ATP6V1E1: variants seen among roughly 807,000 people sequenced by gnomAD.
The protein encoded by ATP6V1E1 is ATPase H+ transporting V1 subunit E1.
Under a neutral mutation model 35.2 loss-of-function variants are expected in ATP6V1E1, and 21 were observed. That is an observed-to-expected ratio of 0.60 (90% CI 0.42 to 0.86). The LOEUF is 0.86. Among genes scored for constraint, ATP6V1E1 ranks in the 40% least tolerant of loss-of-function variants. ATP6V1E1 has a pLI of 0.00. For synonymous variants in ATP6V1E1, 83 were observed against 87.8 expected, an observed-to-expected ratio of 0.95 and a Z score of 0.30; for missense variants, 183 against 272.6, an observed-to-expected ratio of 0.67 and a Z score of 2.32.
At chr22:17,627,023 T>A (rs1244125593) in intron 1 of ATP6V1E1, among the ~76,000 whole-genome samples, 5 of 151,836 alleles carry the variant, frequency 3.3e-5, no homozygotes, top group African/African-American at 1.2e-4. Flanking sequence ...GGAGTCTCAC[T>A]CTGTCACCCA....
Position 17,621,429 on chromosome 22 carries a change from G to A in ATP6V1E1, c.34-1903C>T, listed in dbSNP as rs189901258. Among the ~76,000 whole-genome samples, 515 of 152,210 alleles carry A rather than the reference G, an allele frequency of 3.4e-3. 2 individuals are homozygous for A. The highest frequency in any genetic ancestry group is 0.012 in the African/African-American group (485 of 41,540). The stretch of plus-strand genomic sequence containing the variant: ...CAGCTCAAGCGATCCCCCCGTAGCT[G>A]GGACCATAGGTGCGTGTCACCACGT... On this transcript the variant is annotated intron_variant, in intron 1 of 8. Transcript: ENST00000253413.
chr22:17,607,219 G>A (rs543742787), intron 4 of ATP6V1E1, among the ~76,000 whole-genome samples: 2 of 151,584 alleles, frequency 1.3e-5, no homozygotes, highest in East Asian at 3.9e-4. Context: ...GTGCAGTGGC[G>A]TGATCCTGGC....
intron 2 of ATP6V1E1, among the ~76,000 whole-genome samples, chr22:17,618,838 A>G (rs1484585050): frequency 6.6e-6 from 1 of 152,104 alleles, no homozygotes; most frequent in Non-Finnish European, 1.5e-5. Flanking sequence ...TGTCTCTACT[A>G]AAAATACAAA....
chr22:17,604,621 G>T (rs2057776452), intron 4 of ATP6V1E1, among the ~76,000 whole-genome samples: 2 of 151,912 alleles, frequency 1.3e-5, no homozygotes, highest in Admixed American at 1.3e-4. Flanking sequence ...CTGGGTTCAA[G>T]CGATTCTCCT....
Position 17,598,240 on chromosome 22 carries a change from C to T in ATP6V1E1, c.484G>A (p.Asp162Asn), listed in dbSNP as rs550630159. 49 of 1,614,126 alleles carry T rather than the reference C, an allele frequency of 3.0e-5. No individual in the cohort carries two copies. The highest frequency in any genetic ancestry group is 1.0e-4 in the Admixed American group (6 of 60,006). ...TCCTGGTCAATTTGGACATCAACAT[C>T]GTTTTTGGTGGCAATTTTGTACATA... is the stretch of plus-strand genomic sequence containing the variant. ...IPMYKIATKNDVDVQIDQESY... is the reference protein window; with the variant it reads ...IPMYKIATKNNVDVQIDQESY... Residue 162 changes from aspartate (D) to asparagine (N), a missense_variant, in exon 7 of 9, where the codon GAT (aspartate) becomes AAT (asparagine). Physicochemically the swap from Asp to Asn is conservative, Grantham distance 23 (BLOSUM62 1). Coordinates refer to ENST00000253413, the MANE Select transcript of ATP6V1E1 (RefSeq NM_001696.4).
intron 1 of ATP6V1E1, among the ~76,000 whole-genome samples, chr22:17,625,240 C>G (rs1000582171): frequency 6.6e-6 from 1 of 152,106 alleles, no homozygotes; most frequent in African/African-American, 2.4e-5. Context: ...TGAAAAGACA[C>G]TTTCAAGGAA....
intron 7 of ATP6V1E1, among the ~76,000 whole-genome samples, chr22:17,596,357 C>T (rs532991183): frequency 6.0e-4 from 92 of 152,210 alleles, no homozygotes; most frequent in African/African-American, 2.1e-3. Context: ...TGGCGAGGGC[C>T]TGGATTCTAG....
At chr22:17,596,304 G>A (rs1311317011) in intron 7 of ATP6V1E1, among the ~76,000 whole-genome samples, 1 of 152,150 alleles carries the variant, frequency 6.6e-6, no homozygotes, top group Admixed American at 6.6e-5. Context: ...AGCATAGTAG[G>A]AGGTGTTCAG....
chr22:17,610,890 T>C (rs868379706), intron 4 of ATP6V1E1, among the ~76,000 whole-genome samples: 2 of 152,204 alleles, frequency 1.3e-5, no homozygotes, highest in African/African-American at 2.4e-5. Context: ...AAACACGATA[T>C]GACAAATGTT....
intron 4 of ATP6V1E1, among the ~76,000 whole-genome samples, chr22:17,610,577 T>C (rs1377882181): frequency 1.3e-5 from 2 of 152,260 alleles, no homozygotes; most frequent in African/African-American, 4.8e-5. Context: ...CTATAATCTT[T>C]TGCTATAACC....
intron 4 of ATP6V1E1, among the ~76,000 whole-genome samples, chr22:17,604,330 T>C (rs1353207086): frequency 2.6e-5 from 4 of 152,156 alleles, no homozygotes; most frequent in African/African-American, 7.2e-5. Context: ...AGTTCACATG[T>C]GGGCTTATTT....
intron 4 of ATP6V1E1, among the ~76,000 whole-genome samples, chr22:17,611,747 T>G (rs972041423): frequency 6.6e-6 from 1 of 152,224 alleles, no homozygotes; most frequent in African/African-American, 2.4e-5. Context: ...AGTCAATGAA[T>G]GTCTGGAAAG....
intron 1 of ATP6V1E1, among the ~76,000 whole-genome samples, chr22:17,622,065 T>C (rs1601396869): frequency 6.6e-6 from 1 of 152,064 alleles, no homozygotes; most frequent in South Asian, 2.1e-4. Flanking sequence ...CAAGTAAAAA[T>C]CCAACCGACA....
intron 4 of ATP6V1E1, among the ~76,000 whole-genome samples, chr22:17,608,341 G>T (rs551540752): frequency 6.6e-6 from 1 of 152,358 alleles, no homozygotes; most frequent in South Asian, 2.1e-4. Flanking sequence ...ATCCGGGAAA[G>T]ACATGTGGTA....
In ATP6V1E1 at chr22:17,592,326, G is replaced by T; in HGVS notation, c.*348C>A. 1 of 263,658 alleles carries T rather than the reference G, an allele frequency of 3.8e-6. No homozygotes were observed. Among genetic ancestry groups the T allele is most frequent in the South Asian group, 6.0e-5 (1 of 16,532 alleles). 16.3% of individuals were successfully genotyped at this position (263,658 alleles called of 1,614,324 possible). ...CATGCGCCTTAAGCCTCAAGAGTGG[G>T]GACTGCAGGGCCAAACACCAAATAC... On this transcript the variant is annotated 3_prime_UTR_variant, in exon 9 of 9. Transcript: ENST00000253413.
chr22:17,594,232 G>A (rs1335947986), intron 8 of ATP6V1E1, among the ~76,000 whole-genome samples: 2 of 152,056 alleles, frequency 1.3e-5, no homozygotes, highest in African/African-American at 2.4e-5. Flanking sequence ...ACAAGTATTT[G>A]CTTTAGTTCC....
chr22:17,625,807 CCT>C (rs1264647252), intron 1 of ATP6V1E1, among the ~76,000 whole-genome samples: 2 of 151,928 alleles, frequency 1.3e-5, no homozygotes, highest in African/African-American at 4.8e-5. Flanking sequence ...ACTATATTCC[CCT>C]GAGAGTCTTT....
chr22:17,594,841 T>A (rs1319194396), intron 7 of ATP6V1E1: 14 of 336,086 alleles, frequency 4.2e-5, no homozygotes, highest in Non-Finnish European at 7.0e-5. Flanking sequence ...CAGCGTAGTA[T>A]TTGCATACAA....
rs2057707974 is a variant in ATP6V1E1 at position 17,592,505 on chromosome 22, A to G, written c.*169T>C. The G allele has an allele frequency of 5.6e-6, 4 of 708,844 alleles. No individual in the cohort carries two copies. Among genetic ancestry groups the G allele is most frequent in the South Asian group, 1.7e-5 (1 of 57,740 alleles). 43.9% of individuals were successfully genotyped at this position (708,844 alleles called of 1,614,324 possible). ...ATCATATTACATGAAGCTTTCCACC[A>G]TTGTGAACAATTAGGCAAGGCATGA... is the stretch of plus-strand genomic sequence containing the variant. On this transcript the variant is annotated 3_prime_UTR_variant, in exon 9 of 9. Coordinates refer to ENST00000253413, the MANE Select transcript of ATP6V1E1 (RefSeq NM_001696.4).
Sources: allele counts gnomAD v4.1 joint callset (sites outside exome capture counted in the v4.1 genomes callset), GRCh38; gene constraint gnomAD v4.1.1; transcripts MANE v1.5; gene names NCBI Gene and HGNC (gene_info 2026-07-23, HGNC 2026-07-21).